Variants in MGAT4C observed in about 807,000 individuals in gnomAD.
The protein encoded by MGAT4C is alpha-1,3-mannosyl-glycoprotein 4-beta-N-acetylglucosaminyltransferase C.
A neutral mutation model predicts 40.1 loss-of-function variants in MGAT4C; 19 were observed. The ratio of observed to expected loss-of-function variants is 0.47; its 90% CI spans 0.33 to 0.70. The LOEUF is 0.70. Among genes scored for constraint, MGAT4C ranks in the 30% least tolerant of loss-of-function variants. The pLI, the probability that MGAT4C is intolerant of heterozygous loss-of-function variation, is 0.02. For synonymous variants in MGAT4C, 181 were observed against 187.1 expected (o/e 0.97, Z 0.27); for missense variants, 491 against 563.2 (o/e 0.87, Z 1.30).
chr12:86,703,696 T>A (rs1024521491), intron 2 of MGAT4C, among the ~76,000 whole-genome samples: 13 of 152,212 alleles, frequency 8.5e-5, no homozygotes, highest in Non-Finnish European at 1.3e-4. Context: ...TGGTTATCTT[T>A]ATTGTGATAT....
chr12:86,638,981 T>C (rs531163405), intron 2 of MGAT4C, among the ~76,000 whole-genome samples: 1 of 151,944 alleles, frequency 6.6e-6, no homozygotes, highest in East Asian at 1.9e-4. Context: ...GTAAAAAATG[T>C]CATTTTAAAA....
intron 2 of MGAT4C, among the ~76,000 whole-genome samples, chr12:86,676,689 G>A (rs1207989419): frequency 1.3e-5 from 2 of 152,032 alleles, no homozygotes; most frequent in African/African-American, 4.8e-5. Context: ...GGAGTTAGGA[G>A]GATTAAAAAA....
Position 86,301,934 on chromosome 12 carries a change from A to G in MGAT4C, c.-57+32131T>C, listed in dbSNP as rs17013893. 9.6e-3 allele frequency among the ~76,000 whole-genome samples: 1,364 copies of G among 141,436 alleles called. 70 individuals are homozygous for G. Among genetic ancestry groups the G allele is most frequent in the East Asian group, 0.075 (357 of 4,736 alleles). The allele number at this position is 141,436 out of a possible 152,430, so 92.8% of individuals were successfully genotyped here. A position where few individuals can be genotyped will look rare whatever the true frequency, so the allele number is the denominator to read the frequency against. On this transcript the variant is annotated intron_variant, in intron 4 of 7. Transcript: ENST00000548651. ...GCAGGATTCACAAGAATATCTGCCT[A>G]TAGGTGAAAAGTCAACATCAACTCC... is the stretch of plus-strand genomic sequence containing the variant.
At chr12:86,769,187 C>A (rs202032203) in intron 1 of MGAT4C, among the ~76,000 whole-genome samples, 28 of 152,166 alleles carry the variant, frequency 1.8e-4, no homozygotes, top group South Asian at 1.0e-3. Context: ...AAACAAAAAA[C>A]CCCATAAAAA....
chr12:86,231,323 T>C (rs947000622), intron 1 of MGAT4C, among the ~76,000 whole-genome samples: 4 of 152,228 alleles, frequency 2.6e-5, no homozygotes, highest in Admixed American at 2.6e-4. Flanking sequence ...ATTTTGATTC[T>C]TTTTATGAAT....
At chr12:86,754,726 C>T (rs952733047) in intron 1 of MGAT4C, among the ~76,000 whole-genome samples, 2 of 151,980 alleles carry the variant, frequency 1.3e-5, no homozygotes, top group Non-Finnish European at 2.9e-5. Context: ...CCCAATATAT[C>T]CATCTCTGTT....
intron 2 of MGAT4C, among the ~76,000 whole-genome samples, chr12:86,502,899 T>A (rs1245469976): frequency 5.1e-5 from 2 of 39,348 alleles, no homozygotes; most frequent in Admixed American, 2.9e-4. Flanking sequence ...CTCATATATA[T>A]ATATATATGA....
At chr12:86,452,779 A>G (rs1009144595) in intron 2 of MGAT4C, among the ~76,000 whole-genome samples, 1 of 152,134 alleles carries the variant, frequency 6.6e-6, no homozygotes, top group African/African-American at 2.4e-5. Flanking sequence ...CTTTGACTCC[A>G]GTGTTTGTCT....
At chr12:86,273,719 C>CTTA (rs775697059) in intron 4 of MGAT4C, among the ~76,000 whole-genome samples, 19 of 152,038 alleles carry the variant, frequency 1.2e-4, no homozygotes, top group Non-Finnish European at 2.2e-4. Context: ...ATCTACAAAA[C>CTTA]TTAAGAGATT....
chr12:86,741,372 T>G lies in MGAT4C; in HGVS notation c.-261-14131A>C, dbSNP rs562730246. The stretch of plus-strand genomic sequence containing the variant: ...AACGTAGAAATTGCTGTATAATATT[T>G]TTATATGATCCTCTTTTGAAACTAT... On this transcript the variant is annotated intron_variant, in intron 1 of 7. Coordinates refer to the MGAT4C transcript ENST00000548651. Among the ~76,000 whole-genome samples, 39 of 151,500 alleles carry G rather than the reference T, an allele frequency of 2.6e-4. No homozygotes were observed. The South Asian group carries it at 8.1e-3, about 31-fold the overall frequency.
At chr12:86,811,250 G>C (rs1952466180) in intron 1 of MGAT4C, among the ~76,000 whole-genome samples, 2 of 150,766 alleles carry the variant, frequency 1.3e-5, no homozygotes, top group South Asian at 4.2e-4. Context: ...CGACTATAAG[G>C]CATCATGTTT....
rs536700627 is a variant in MGAT4C at position 86,223,334 on chromosome 12, C to T, written c.-57+32905G>A. 3.9e-5 allele frequency among the ~76,000 whole-genome samples: 6 copies of T among 152,308 alleles called. No individual in the cohort carries two copies. In the East Asian group the frequency reaches 7.7e-4, roughly 20 times the overall value. On this transcript the variant is annotated intron_variant, in intron 1 of 4. Transcript: ENST00000611864. ...GCAGCTCCATTCTGAGCCCAGTTTC[C>T]AAAAGTCTATGTCCTGCCCTGGGGC... is the stretch of plus-strand genomic sequence containing the variant.
intron 1 of MGAT4C, among the ~76,000 whole-genome samples, chr12:86,199,026 T>C (rs1307192727): frequency 6.6e-6 from 1 of 152,176 alleles, no homozygotes; most frequent in Admixed American, 6.5e-5. Flanking sequence ...TTTAATAGCG[T>C]TACTCATAAT....
At chr12:86,787,150 C>G (rs1951943135) in intron 1 of MGAT4C, among the ~76,000 whole-genome samples, 1 of 151,984 alleles carries the variant, frequency 6.6e-6, no homozygotes, top group Non-Finnish European at 1.5e-5. Flanking sequence ...CATCCCTTAC[C>G]CCCCTCACAC....
chr12:86,769,563 C>G (rs1404587287), intron 1 of MGAT4C, among the ~76,000 whole-genome samples: 1 of 152,158 alleles, frequency 6.6e-6, no homozygotes, highest in African/African-American at 2.4e-5. Flanking sequence ...GACATATGCA[C>G]ACGTATGTTT....
rs117264057 is a variant in MGAT4C, at chr12:86,645,411, T to C, written c.-229+81798A>G. On this transcript the variant is annotated intron_variant, in intron 2 of 7. Transcript: ENST00000548651. ...TTTCTCATTAATGTTTTCAGAATTA[T>C]AAAATTTAAATCATCTCAGTATAGC... Among the ~76,000 whole-genome samples the C allele has an allele frequency of 1.3e-4, 20 of 151,914 alleles. No individual in the cohort carries two copies. In the East Asian group the frequency reaches 3.9e-3, roughly 30 times the overall value.
At chr12:86,337,586 CAAAA>C (rs59069586) in intron 3 of MGAT4C, among the ~76,000 whole-genome samples, 1 of 65,642 alleles carries the variant, frequency 1.5e-5, no homozygotes. Flanking sequence ...AATCTTGTCT[CAAAA>C]AAAAAAAAAA....
intron 1 of MGAT4C, among the ~76,000 whole-genome samples, chr12:86,178,331 A>G (rs186298858): frequency 2.6e-5 from 4 of 152,338 alleles, no homozygotes; most frequent in Admixed American, 2.6e-4. Context: ...TTGATAGAAG[A>G]TTAAGTTGAT....
At chr12:86,404,436 C>T (rs376205464) in intron 3 of MGAT4C, among the ~76,000 whole-genome samples, 3 of 151,888 alleles carry the variant, frequency 2.0e-5, no homozygotes, top group African/African-American at 4.8e-5. Flanking sequence ...CTGGATTATA[C>T]AAGAAAATTC....
Sources: allele counts gnomAD v4.1 joint callset (sites outside exome capture counted in the v4.1 genomes callset), GRCh38; gene constraint gnomAD v4.1.1; transcripts MANE v1.5; gene names NCBI Gene and HGNC (gene_info 2026-07-23, HGNC 2026-07-21).